The following PXYLP1 variants were observed in gnomAD, a reference collection of about 807,000 sequenced individuals.
PXYLP1 encodes 2-phosphoxylose phosphatase 1.
PXYLP1 carries 17 observed loss-of-function variants against 37.9 expected under a neutral mutation model. The ratio of observed to expected loss-of-function variants is 0.45; its 90% CI spans 0.31 to 0.67. The LOEUF is 0.67. PXYLP1 is among the 30% of genes least tolerant of loss of function. PXYLP1 has a pLI of 0.07. For synonymous variants in PXYLP1, 221 were observed against 232.2 expected (o/e 0.95, Z 0.44); for missense variants, 511 against 612.0 (o/e 0.84, Z 1.74).
At chr3:141,255,954 A>C (rs1209816107) in intron 1 of PXYLP1, among the ~76,000 whole-genome samples, 3 of 152,182 alleles carry the variant, frequency 2.0e-5, no homozygotes. Context: ...ACAACAGCTG[A>C]GTCAGCCCCC....
At chr3:141,241,028 C>A (rs1442716565) in intron 1 of PXYLP1, among the ~76,000 whole-genome samples, 1 of 152,140 alleles carries the variant, frequency 6.6e-6, no homozygotes, top group Non-Finnish European at 1.5e-5. Context: ...TTTTCAAGTG[C>A]CCCTGCCCAC....
Position 141,293,420 on chromosome 3 carries a change from G to C in PXYLP1, c.*215G>C, listed in dbSNP as rs908529692. On this transcript the variant is annotated 3_prime_UTR_variant, in exon 6 of 6. Transcript: ENST00000286353. ...GGTACAAAATGGCCAGTTCACAGAGGAATAGAAGGTACTTTATCATAGCCA... is the reference window on the plus strand; with the variant it reads ...GGTACAAAATGGCCAGTTCACAGAGCAATAGAAGGTACTTTATCATAGCCA... The C allele has an allele frequency of 1.7e-6, 1 of 571,572 alleles. No homozygotes were observed. Among genetic ancestry groups the C allele is most frequent in the Non-Finnish European group, 3.1e-6 (1 of 326,510 alleles). The allele number at this position is 571,572 out of a possible 1,614,324, so 35.4% of individuals were successfully genotyped here.
Position 141,279,359 on chromosome 3 carries a change from A to G in PXYLP1, c.239-19A>G. 2 of 1,613,406 alleles carry G rather than the reference A, an allele frequency of 1.2e-6. No homozygotes were observed. Among genetic ancestry groups the G allele is most frequent in the Admixed American group, 1.7e-5 (1 of 59,996 alleles). ...ACACCTATTGAGTGATAACCAGACA[A>G]TGTGCTTCTCTCGCGCAGGTCATGC... On this transcript the variant is annotated intron_variant, in intron 3 of 5. Transcript: ENST00000286353.
intron 4 of PXYLP1, among the ~76,000 whole-genome samples, chr3:141,279,803 G>C (rs1941904366): frequency 6.6e-6 from 1 of 152,192 alleles, no homozygotes; most frequent in African/African-American, 2.4e-5. Flanking sequence ...ACTGAGTTAA[G>C]AGTCCTCCGC....
intron 2 of PXYLP1, among the ~76,000 whole-genome samples, chr3:141,271,234 G>A (rs1272803675): frequency 6.6e-6 from 1 of 152,160 alleles, no homozygotes; most frequent in East Asian, 1.9e-4. Context: ...CAGCTAGGAG[G>A]TAACAGAGCC....
At chr3:141,286,371 G>A (rs377616762) in intron 4 of PXYLP1, among the ~76,000 whole-genome samples, 3 of 152,138 alleles carry the variant, frequency 2.0e-5, no homozygotes, top group Admixed American at 6.5e-5. Context: ...TGTCCAAAAC[G>A]TGGAGTGGAT....
intron 2 of PXYLP1, among the ~76,000 whole-genome samples, chr3:141,276,309 G>A (rs1257735911): frequency 6.6e-6 from 1 of 152,174 alleles, no homozygotes; most frequent in East Asian, 1.9e-4. Flanking sequence ...CTTTCCCAGA[G>A]GAAAACCACT....
intron 1 of PXYLP1, among the ~76,000 whole-genome samples, chr3:141,239,077 A>C (rs1186554133): frequency 6.6e-6 from 1 of 152,132 alleles, no homozygotes; most frequent in Non-Finnish European, 1.5e-5. Context: ...AAAAAAAAAA[A>C]AAAACCTTGC....
chr3:141,290,142 A>G (rs933945109), intron 5 of PXYLP1, among the ~76,000 whole-genome samples: 3 of 152,194 alleles, frequency 2.0e-5, no homozygotes, highest in Admixed American at 2.0e-4. Context: ...AAGATTGCTC[A>G]TGAGTGCCTA....
At chr3:141,273,208 C>T (rs911257639) in intron 2 of PXYLP1, 40 of 985,252 alleles carry the variant, frequency 4.1e-5, no homozygotes, top group Non-Finnish European at 4.1e-5. Flanking sequence ...CCATTTTATT[C>T]TCTGAAGAAT....
At chr3:141,259,046 C>T (rs1282228673) in intron 1 of PXYLP1, among the ~76,000 whole-genome samples, 1 of 152,160 alleles carries the variant, frequency 6.6e-6, no homozygotes, top group East Asian at 1.9e-4. Context: ...GAGTCTGGCT[C>T]CTGCTTCATT....
chr3:141,270,773 G>C (rs1941642599), intron 2 of PXYLP1, among the ~76,000 whole-genome samples: 1 of 152,202 alleles, frequency 6.6e-6, no homozygotes, highest in South Asian at 2.1e-4. Context: ...TTTTGTGAAG[G>C]GGTGGACGCA....
chr3:141,236,967 A>G (rs970195859), intron 1 of PXYLP1, among the ~76,000 whole-genome samples: 1 of 152,210 alleles, frequency 6.6e-6, no homozygotes, highest in Non-Finnish European at 1.5e-5. Flanking sequence ...AATTATTAGG[A>G]TCATGCATTA....
At chr3:141,257,928 AG>A (rs1162817832) in intron 1 of PXYLP1, among the ~76,000 whole-genome samples, 55 of 132,356 alleles carry the variant, frequency 4.2e-4, no homozygotes, top group South Asian at 9.2e-4. Flanking sequence ...AAAAAAAAAG[AG>A]AGAGAGAGAG....
At chr3:141,275,311 G>T (rs972037821) in intron 2 of PXYLP1, among the ~76,000 whole-genome samples, 19 of 152,224 alleles carry the variant, frequency 1.2e-4, no homozygotes, top group African/African-American at 4.3e-4. Flanking sequence ...CCAAATGGCA[G>T]CCACAACAGG....
intron 4 of PXYLP1, among the ~76,000 whole-genome samples, chr3:141,284,888 T>C (rs1463359106): frequency 1.3e-5 from 2 of 152,214 alleles, no homozygotes; most frequent in East Asian, 3.8e-4. Context: ...CGTATTCATT[T>C]CTACAGATTA....
At chr3:141,280,162 G>C (rs1941913399) in intron 4 of PXYLP1, among the ~76,000 whole-genome samples, 1 of 152,252 alleles carries the variant, frequency 6.6e-6, no homozygotes, top group Admixed American at 6.5e-5. Flanking sequence ...CAGCAAATGT[G>C]TCTGGAGGCA....
chr3:141,240,255 G>A (rs1190065677), intron 1 of PXYLP1, among the ~76,000 whole-genome samples: 3 of 152,220 alleles, frequency 2.0e-5, no homozygotes, highest in Non-Finnish European at 4.4e-5. Flanking sequence ...CCATGTGAGT[G>A]TGTAGTGGGG....
chr3:141,273,530 A>G (rs1941718493), intron 2 of PXYLP1: 7 of 985,310 alleles, frequency 7.1e-6, no homozygotes, highest in Non-Finnish European at 8.4e-6. Flanking sequence ...GTGGGGAGGG[A>G]GCCTGCGTGG....
Sources: allele counts gnomAD v4.1 joint callset (sites outside exome capture counted in the v4.1 genomes callset), GRCh38; gene constraint gnomAD v4.1.1; transcripts MANE v1.5; gene names NCBI Gene and HGNC (gene_info 2026-07-23, HGNC 2026-07-21).